Variants in KCNN2 observed in about 807,000 individuals in gnomAD.
KCNN2 encodes the protein small conductance calcium-activated potassium channel protein 2.
In KCNN2, 24 loss-of-function variants were observed where a neutral mutation model predicts 55.5. The observed-to-expected ratio is 0.43, with a 90% confidence interval of 0.31 to 0.61. The LOEUF is 0.61. KCNN2 is among the 20% of genes least tolerant of loss of function. KCNN2 has a pLI of 0.08. For missense variants in KCNN2, 754 were observed against 853.6 expected (o/e 0.88, Z 1.45); for synonymous variants, 431 against 336.1 (o/e 1.28, Z -3.09).
intron 2 of KCNN2, among the ~76,000 whole-genome samples, chr5:114,321,917 T>G (rs1273118455): frequency 6.6e-6 from 1 of 152,180 alleles, no homozygotes; most frequent in African/African-American, 2.4e-5. Flanking sequence ...CCCAAAGTGC[T>G]GGGATTATAA....
rs1270156646 is a variant in KCNN2, at chr5:114,483,560, G to C, written c.1891-3490G>C. ...CAAAGTGCTGGGATTACAAACATGA[G>C]CCACAGCACCCAGCCAGTAGTAGTA... On this transcript the variant is annotated intron_variant, in intron 5 of 7. Coordinates refer to ENST00000673685, the MANE Select transcript of KCNN2 (RefSeq NM_021614.4). Among the ~76,000 whole-genome samples the C allele has an allele frequency of 3.3e-5, 5 of 152,080 alleles. No homozygotes were observed. The East Asian group carries it at 9.6e-4, about 29-fold the overall frequency.
rs527950365 is a variant in KCNN2 at position 114,240,912 on chromosome 5, A to G, written c.-185+19347A>G. ...AAAATTATCTGCTAATAATGAAATT[A>G]CACAAGAGGATTTATTAACTCTCAG... On this transcript the variant is annotated intron_variant, in intron 2 of 10. Transcript: ENST00000512097. 1.7e-4 allele frequency among the ~76,000 whole-genome samples: 26 copies of G among 152,330 alleles called. No homozygotes were observed. In the East Asian group the frequency reaches 5.0e-3, roughly 29 times the overall value.
At chr5:114,187,304 C>T (rs983008872) in intron 1 of KCNN2, among the ~76,000 whole-genome samples, 1 of 151,786 alleles carries the variant, frequency 6.6e-6, no homozygotes, top group African/African-American at 2.4e-5. Flanking sequence ...AGTAAACTGA[C>T]ACACTATAGG....
chr5:114,393,441 G>C (rs866045014), intron 2 of KCNN2, among the ~76,000 whole-genome samples: 12 of 152,026 alleles, frequency 7.9e-5, no homozygotes, highest in African/African-American at 2.9e-4. Flanking sequence ...TTGAAGTTTT[G>C]TACATGTAGA....
At chr5:114,116,178 C>G (rs1751705257) in intron 1 of KCNN2, among the ~76,000 whole-genome samples, 1 of 151,830 alleles carries the variant, frequency 6.6e-6, no homozygotes, top group African/African-American at 2.4e-5. Flanking sequence ...CCCCAAGTCA[C>G]AAAGAGAGAG....
chr5:114,085,472 A>C (rs1750995075), intron 1 of KCNN2, among the ~76,000 whole-genome samples: 1 of 151,916 alleles, frequency 6.6e-6, no homozygotes, highest in African/African-American at 2.4e-5. Flanking sequence ...TTGTGTTTTT[A>C]ACTTTAGTTT....
At chr5:114,132,735 G>A (rs1752096593) in intron 1 of KCNN2, among the ~76,000 whole-genome samples, 1 of 152,108 alleles carries the variant, frequency 6.6e-6, no homozygotes, top group Non-Finnish European at 1.5e-5. Context: ...CAAATTAAAA[G>A]CCATAAAAAG....
At position 114,493,491 on chromosome 5, in the gene KCNN2, G is replaced by A; in HGVS notation, c.2088+19G>A. ...GGCAAAGGTAAGCCTGAGGTGCTTA[G>A]CCCTCCTAGTTGCATCTGTTGAAAT... On this transcript the variant is annotated intron_variant, in intron 7 of 7. Transcript: ENST00000673685. 1.7e-5 allele frequency: 27 copies of A among 1,578,256 alleles called. No homozygotes were observed. Among genetic ancestry groups the A allele is most frequent in the Non-Finnish European group, 2.4e-5 (27 of 1,147,678 alleles).
At chr5:114,281,480 A>C (rs867606730) in intron 2 of KCNN2, among the ~76,000 whole-genome samples, 14 of 151,972 alleles carry the variant, frequency 9.2e-5, no homozygotes, top group African/African-American at 2.9e-4. Flanking sequence ...ACTTTTTTCC[A>C]AGACATTTAT....
In KCNN2 at chr5:114,071,919, T is replaced by C. The variant is rs557750535; in HGVS notation, c.-271+15419T>C. 7.9e-5 allele frequency among the ~76,000 whole-genome samples: 12 copies of C among 152,274 alleles called. No individual in the cohort carries two copies. In the South Asian group the frequency reaches 2.5e-3, roughly 32 times the overall value. On this transcript the variant is annotated intron_variant, in intron 1 of 10. Transcript: ENST00000512097. ...GGCCTCATAAAAGATGATTAGGTCA[T>C]GTAGGTGCTGCTTTAATGCTTGGAC...
intron 1 of KCNN2, among the ~76,000 whole-genome samples, chr5:114,147,295 G>C (rs1752418872): frequency 5.6e-5 from 2 of 35,996 alleles, no homozygotes; most frequent in African/African-American, 1.5e-4. Context: ...AAGTCAGCCA[G>C]ATTAGTCTGT....
rs1216022280 is a variant in KCNN2 at position 114,156,350 on chromosome 5, G to T, written c.-270-65130G>T. On this transcript the variant is annotated intron_variant, in intron 1 of 10. Coordinates refer to the KCNN2 transcript ENST00000512097. ...AGCTTTGTTCTTTTTACTTGGCCTT[G>T]CCTTGACTATATGGGCTCTTTTTTG... 9.9e-5 allele frequency among the ~76,000 whole-genome samples: 15 copies of T among 152,194 alleles called. No individual in the cohort carries two copies. The East Asian group carries it at 2.9e-3, about 29-fold the overall frequency.
At chr5:114,319,586 T>A (rs965207047) in intron 2 of KCNN2, among the ~76,000 whole-genome samples, 2 of 152,192 alleles carry the variant, frequency 1.3e-5, no homozygotes, top group Admixed American at 1.3e-4. Context: ...TTGTTTTATA[T>A]GTAAATCTCT....
At chr5:114,094,511 G>A (rs1751216857) in intron 1 of KCNN2, among the ~76,000 whole-genome samples, 1 of 152,178 alleles carries the variant, frequency 6.6e-6, no homozygotes, top group Non-Finnish European at 1.5e-5. Flanking sequence ...CATTCTGGAA[G>A]ACCAAATGGC....
chr5:114,373,159 C>T (rs1757813319), intron 2 of KCNN2, among the ~76,000 whole-genome samples: 1 of 152,046 alleles, frequency 6.6e-6, no homozygotes, highest in African/African-American at 2.4e-5. Flanking sequence ...TCTGCAGTAT[C>T]TAGGTCCAGT....
chr5:114,341,587 CA>C (rs965558168), intron 2 of KCNN2, among the ~76,000 whole-genome samples: 1 of 150,722 alleles, frequency 6.6e-6, no homozygotes, highest in African/African-American at 2.4e-5. Context: ...GACACTCCCT[CA>C]AAATAAAAAA....
intron 1 of KCNN2, among the ~76,000 whole-genome samples, chr5:114,180,545 C>A (rs1442477968): frequency 6.6e-6 from 1 of 151,784 alleles, no homozygotes; most frequent in Non-Finnish European, 1.5e-5. Flanking sequence ...AAATAAAAGC[C>A]ATTCTATGCA....
chr5:114,489,670 G>T (rs1379086735), intron 6 of KCNN2, among the ~76,000 whole-genome samples: 3 of 152,020 alleles, frequency 2.0e-5, no homozygotes, highest in Non-Finnish European at 2.9e-5. Flanking sequence ...GCTTTGTTTG[G>T]CTAGATCATT....
chr5:114,140,132 A>C (rs1193506851), intron 1 of KCNN2, among the ~76,000 whole-genome samples: 1 of 152,208 alleles, frequency 6.6e-6, no homozygotes, highest in Non-Finnish European at 1.5e-5. Context: ...ATATTTTAAA[A>C]GTTTTAATTT....
Sources: gnomAD v4.1 joint callset for allele counts (sites outside exome capture counted in the v4.1 genomes callset) on GRCh38, gnomAD v4.1.1 for gene constraint, MANE v1.5 for transcripts, NCBI Gene and HGNC (gene_info 2026-07-23, HGNC 2026-07-21) for gene names.